The following KCNN2 variants were observed in gnomAD, a reference collection of about 807,000 sequenced individuals.
KCNN2 encodes potassium calcium-activated channel subfamily N member 2.
Under a neutral mutation model 55.5 loss-of-function variants are expected in KCNN2, and 24 were observed. The observed-to-expected ratio is 0.43, with a 90% CI of 0.31 to 0.61. The LOEUF (loss-of-function observed/expected upper bound fraction) is 0.61, where lower values mean the gene tolerates loss of function less well. KCNN2 is among the 20% of genes least tolerant of loss of function. The pLI is 0.08. For missense variants in KCNN2, 754 were observed against 853.6 expected, an observed-to-expected ratio of 0.88 and a Z score of 1.45; for synonymous variants, 431 against 336.1, an observed-to-expected ratio of 1.28 and a Z score of -3.09.
At chr5:114,108,894 C>T (rs6892494) in intron 1 of KCNN2, among the ~76,000 whole-genome samples, 32,457 of 151,962 alleles carry the variant, frequency 0.21, 3,992 homozygotes, top group African/African-American at 0.34. Flanking sequence ...GAAGTGGAAC[C>T]ATTGGGTCAT....
chr5:114,206,166 T>G (rs13164637), intron 1 of KCNN2, among the ~76,000 whole-genome samples: 17,573 of 152,270 alleles, frequency 0.12, 1,175 homozygotes, highest in Middle Eastern at 0.23. Flanking sequence ...AAAAGACTAC[T>G]TAAATTCAAT....
intron 2 of KCNN2, among the ~76,000 whole-genome samples, chr5:114,353,667 C>T (rs1344509270): frequency 6.6e-6 from 1 of 151,764 alleles, no homozygotes; most frequent in Non-Finnish European, 1.5e-5. Flanking sequence ...GTTTTTATTT[C>T]TCTGGGAAAC....
intron 1 of KCNN2, among the ~76,000 whole-genome samples, chr5:114,148,856 G>A (rs1239814728): frequency 6.6e-6 from 1 of 152,096 alleles, no homozygotes; most frequent in African/African-American, 2.4e-5. Context: ...TCAGCTACTC[G>A]AGGTACAGGG....
chr5:114,251,219 G>A (rs926757625), intron 2 of KCNN2, among the ~76,000 whole-genome samples: 3 of 152,144 alleles, frequency 2.0e-5, no homozygotes, highest in Non-Finnish European at 4.4e-5. Flanking sequence ...ATTACAACCA[G>A]CCTGCTTCTC....
intron 2 of KCNN2, among the ~76,000 whole-genome samples, chr5:114,329,640 C>T (rs1756773784): frequency 6.6e-6 from 1 of 152,168 alleles, no homozygotes; most frequent in Non-Finnish European, 1.5e-5. Context: ...CTCCACTCCT[C>T]AGCTTGCAGA....
At chr5:114,292,644 C>G (rs547575637) in intron 2 of KCNN2, among the ~76,000 whole-genome samples, 64 of 152,226 alleles carry the variant, frequency 4.2e-4, no homozygotes, top group Non-Finnish European at 7.8e-4. Context: ...CAGCTTTGTT[C>G]TTTTGGCTTA....
At chr5:114,487,617 T>A (rs1364962960) in intron 6 of KCNN2, among the ~76,000 whole-genome samples, 1 of 152,188 alleles carries the variant, frequency 6.6e-6, no homozygotes, top group Non-Finnish European at 1.5e-5. Flanking sequence ...TTTTAAATTT[T>A]CCAGTTTGTG....
At chr5:114,395,418 CA>C (rs1758586251) in intron 2 of KCNN2, among the ~76,000 whole-genome samples, 2 of 152,230 alleles carry the variant, frequency 1.3e-5, no homozygotes, top group Non-Finnish European at 2.9e-5. Flanking sequence ...TGTTAACCAT[CA>C]CCCTAGAATT....
chr5:114,371,874 C>G (rs1243545843), intron 2 of KCNN2, among the ~76,000 whole-genome samples: 2 of 152,136 alleles, frequency 1.3e-5, no homozygotes, highest in Non-Finnish European at 2.9e-5. Context: ...GCTGTTACCT[C>G]TCTTCATCAA....
Position 114,104,466 on chromosome 5 carries a change from A to G in KCNN2, c.-271+47966A>G, listed in dbSNP as rs550670434. 5.9e-5 allele frequency among the ~76,000 whole-genome samples: 9 copies of G among 151,888 alleles called. 1 individual carries two copies. The South Asian group carries it at 1.9e-3, about 32-fold the overall frequency. ...TTTCTTGTCTTCTGCTAGGTTTTGA[A>G]TTTGTCTTTGCTTTGTTAGTTCTTT... On this transcript the variant is annotated intron_variant, in intron 1 of 10. Coordinates refer to the KCNN2 transcript ENST00000512097.
At chr5:114,415,758 T>C (rs1284365179) in intron 3 of KCNN2, among the ~76,000 whole-genome samples, 1 of 152,150 alleles carries the variant, frequency 6.6e-6, no homozygotes, top group Non-Finnish European at 1.5e-5. Context: ...ATTTTAAGAG[T>C]TCTTTGTATA....
intron 1 of KCNN2, among the ~76,000 whole-genome samples, chr5:114,187,707 C>T (rs998331539): frequency 3.3e-5 from 5 of 151,520 alleles, no homozygotes; most frequent in African/African-American, 1.2e-4. Context: ...GGGTTTTCAC[C>T]ATGTTAGCCA....
intron 2 of KCNN2, among the ~76,000 whole-genome samples, chr5:114,271,341 A>G (rs1361742086): frequency 6.6e-6 from 1 of 152,118 alleles, no homozygotes; most frequent in Non-Finnish European, 1.5e-5. Flanking sequence ...TGTGTTTACA[A>G]ACTTTTAGCT....
chr5:114,096,938 A>C (rs4705622), intron 1 of KCNN2, among the ~76,000 whole-genome samples: 1 of 151,852 alleles, frequency 6.6e-6, no homozygotes, highest in South Asian at 2.1e-4. Context: ...AAGTTCTGCT[A>C]TTACCTCCCT....
intron 1 of KCNN2, among the ~76,000 whole-genome samples, chr5:114,160,413 T>G: frequency 6.6e-6 from 1 of 152,208 alleles, no homozygotes; most frequent in East Asian, 1.9e-4. Context: ...TGAGGAGTGC[T>G]TTACTTCCAA....
At chr5:114,105,109 G>A (rs917626688) in intron 1 of KCNN2, among the ~76,000 whole-genome samples, 11 of 151,960 alleles carry the variant, frequency 7.2e-5, no homozygotes, top group South Asian at 2.1e-4. Context: ...CTATTACAGC[G>A]TATTCTCTGA....
intron 1 of KCNN2, among the ~76,000 whole-genome samples, chr5:114,117,720 C>A (rs907179089): frequency 9.2e-5 from 14 of 152,156 alleles, no homozygotes; most frequent in African/African-American, 3.4e-4. Context: ...GGAAGAACTG[C>A]ATGACCCAAT....
chr5:114,104,315 T>C (rs1751435092), intron 1 of KCNN2, among the ~76,000 whole-genome samples: 2 of 152,150 alleles, frequency 1.3e-5, no homozygotes, highest in Admixed American at 6.6e-5. Context: ...TTTTTGTCTC[T>C]TTTCTTCTTT....
chr5:114,353,543 T>TA (rs968856507), intron 2 of KCNN2, among the ~76,000 whole-genome samples: 51 of 151,970 alleles, frequency 3.4e-4, no homozygotes, highest in African/African-American at 1.2e-3. Flanking sequence ...CCACTGGCGC[T>TA]CTTTTTCTGT....
Sources: allele counts gnomAD v4.1 joint callset (sites outside exome capture counted in the v4.1 genomes callset), GRCh38; gene constraint gnomAD v4.1.1; transcripts MANE v1.5; gene names NCBI Gene and HGNC (gene_info 2026-07-23, HGNC 2026-07-21).